SORCS1: variants seen among roughly 807,000 people sequenced by gnomAD.
SORCS1 encodes the protein VPS10 domain-containing receptor SorCS1.
In SORCS1, 60 loss-of-function variants were observed where a neutral mutation model predicts 146.1. That is an observed-to-expected ratio of 0.41 (90% confidence interval 0.33 to 0.51). SORCS1 has a LOEUF of 0.51. Ranked by LOEUF, SORCS1 falls within the 20% of genes least tolerant of loss-of-function variation. The pLI is 0.21. For synonymous variants in SORCS1, 637 were observed against 584.0 expected, an observed-to-expected ratio of 1.09 and a Z score of -1.31; for missense variants, 1,352 against 1,487.6, an observed-to-expected ratio of 0.91 and a Z score of 1.50.
chr10:107,099,747 T>G (rs1255551901), intron 1 of SORCS1, among the ~76,000 whole-genome samples: 2 of 152,208 alleles, frequency 1.3e-5, no homozygotes, highest in Non-Finnish European at 2.9e-5. Flanking sequence ...ATATTATAAC[T>G]AAAAGTGATC....
intron 1 of SORCS1, among the ~76,000 whole-genome samples, chr10:107,070,748 CA>C (rs984375751): frequency 2.0e-5 from 3 of 151,624 alleles, no homozygotes; most frequent in African/African-American, 7.3e-5. Flanking sequence ...GCAAAAATTT[CA>C]AAACAAAAAT....
chr10:107,008,000 A>AAAACT (rs10654601), intron 1 of SORCS1, among the ~76,000 whole-genome samples: 22,622 of 151,790 alleles, frequency 0.15, 5,564 homozygotes, highest in African/African-American at 0.51. Flanking sequence ...TATGTTGTCT[A>AAAACT]AAGATTTATT....
the SORCS1 span, among the ~76,000 whole-genome samples, chr10:107,178,514 G>T: frequency 6.7e-6 from 1 of 149,190 alleles, no homozygotes; most frequent in African/African-American, 2.5e-5. Context: ...TTTTTTTTAA[G>T]ACAGAGTCTC....
At chr10:106,700,666 T>C (rs1185146883) in intron 8 of SORCS1, among the ~76,000 whole-genome samples, 2 of 152,164 alleles carry the variant, frequency 1.3e-5, no homozygotes, top group African/African-American at 4.8e-5. Flanking sequence ...TATATGCCCA[T>C]GTTCTCAATC....
rs11817573 is a variant in SORCS1, at chr10:107,096,922, A to G, written c.558+67047T>C. 6.8e-3 allele frequency among the ~76,000 whole-genome samples: 1,041 copies of G among 152,268 alleles called. 14 individuals carry two copies. The highest frequency in any genetic ancestry group is 0.024 in the African/African-American group (1,006 of 41,540). On this transcript the variant is annotated intron_variant, in intron 1 of 25. Transcript: ENST00000263054. ...TTTCTAGTTTTCATGTAGATTGCCC[A>G]TCTCATTTCCCCCATTCACTTCTCC...
chr10:106,872,996 A>C (rs1950467414), intron 2 of SORCS1, among the ~76,000 whole-genome samples: 1 of 152,090 alleles, frequency 6.6e-6, no homozygotes, highest in Non-Finnish European at 1.5e-5. Flanking sequence ...AATATGGTGA[A>C]ACCCCATCTC....
intron 3 of SORCS1, among the ~76,000 whole-genome samples, chr10:106,796,971 G>C (rs1267350107): frequency 6.6e-6 from 1 of 152,142 alleles, no homozygotes; most frequent in Non-Finnish European, 1.5e-5. Context: ...GCCGGGCGTG[G>C]TGGCGGGTGC....
chr10:107,156,735 G>A (rs915728993), intron 1 of SORCS1, among the ~76,000 whole-genome samples: 1 of 152,148 alleles, frequency 6.6e-6, no homozygotes, highest in South Asian at 2.1e-4. Context: ...TTTCCTATAT[G>A]GGAAGACGTA....
chr10:106,952,572 T>TTATAC (rs961857020), intron 2 of SORCS1, among the ~76,000 whole-genome samples: 1 of 146,278 alleles, frequency 6.8e-6, no homozygotes, highest in South Asian at 2.1e-4. Context: ...TTATATTATA[T>TTATAC]TATACTATGT....
chr10:106,687,666 C>CA (rs1454508660), intron 10 of SORCS1, among the ~76,000 whole-genome samples: 1 of 152,014 alleles, frequency 6.6e-6, no homozygotes, highest in African/African-American at 2.4e-5. Flanking sequence ...CGGAGTAAGA[C>CA]ATAAATGAAC....
At position 106,667,719 on chromosome 10, in the gene SORCS1, C is replaced by T; in HGVS notation, c.2273G>A (p.Ser758Asn). Residue 758 changes from serine (S) to asparagine (N), a missense_variant, in exon 17 of 26, where the codon AGC becomes AAC. This residue lies in a region of SORCS1 where 648 missense variants were observed against 793.8 expected (regional missense o/e 0.82). Transcript: ENST00000263054. The part of the protein sequence containing the change: ...FNPSSLSKDC[S>N]LGQSYLNSTG... ...ACTATTGAGGTAACTCTGTCCCAAGCTGCAATCCTTTGACAGAGAGGATGG... is the reference window on the plus strand; with the variant it reads ...ACTATTGAGGTAACTCTGTCCCAAGTTGCAATCCTTTGACAGAGAGGATGG... 6.2e-7 allele frequency: 1 copy of T among 1,614,046 alleles called. No individual in the cohort carries two copies. The highest frequency in any genetic ancestry group is 8.5e-7 in the Non-Finnish European group (1 of 1,179,960).
intron 10 of SORCS1, among the ~76,000 whole-genome samples, chr10:106,685,105 T>G (rs887520567): frequency 2.0e-5 from 3 of 152,228 alleles, no homozygotes; most frequent in Non-Finnish European, 4.4e-5. Context: ...CCTGCTTTTG[T>G]TAACTTTGGG....
chr10:107,164,856 A>AGCTGCGCTGC (rs553288753), upstream of SORCS1, among the ~76,000 whole-genome samples: 1 of 146,426 alleles, frequency 6.8e-6, no homozygotes, highest in African/African-American at 2.5e-5. This position sits in a 1 kb window ranked among gnomAD's most constrained non-coding sequence, Gnocchi z 6.8. Flanking sequence ...CCCGCGGCCG[A>AGCTGCGCTGC]GCTGCGCTGC....
At chr10:107,118,694 C>A (rs961266581) in intron 1 of SORCS1, among the ~76,000 whole-genome samples, 1 of 152,192 alleles carries the variant, frequency 6.6e-6, no homozygotes, top group Non-Finnish European at 1.5e-5. Flanking sequence ...TCCATTTCTA[C>A]TTCCTTTCAG....
chr10:107,023,127 A>T (rs921020610), intron 1 of SORCS1, among the ~76,000 whole-genome samples: 13 of 152,198 alleles, frequency 8.5e-5, no homozygotes, highest in Non-Finnish European at 1.8e-4. Flanking sequence ...CAGATAATGC[A>T]TGTAAATTGC....
intron 1 of SORCS1, among the ~76,000 whole-genome samples, chr10:107,115,092 G>T (rs1167184654): frequency 6.6e-6 from 1 of 151,838 alleles, no homozygotes; most frequent in Non-Finnish European, 1.5e-5. Context: ...ACTGATGAAG[G>T]ATATCAAAGA....
intron 5 of SORCS1, among the ~76,000 whole-genome samples, chr10:106,753,000 TATTC>T (rs1858372234): frequency 1.3e-5 from 2 of 152,242 alleles, no homozygotes; most frequent in Admixed American, 1.3e-4. Context: ...TGAGTGATGG[TATTC>T]ATTTTGAAGT....
chr10:106,802,896 A>C (rs1460285306), intron 3 of SORCS1, among the ~76,000 whole-genome samples: 2 of 152,164 alleles, frequency 1.3e-5, no homozygotes. Flanking sequence ...TGGCCTCCCA[A>C]AAGGGATTAC....
At chr10:106,779,547 ATTTTTTT>A (rs11357093) in intron 3 of SORCS1, among the ~76,000 whole-genome samples, 19 of 84,818 alleles carry the variant, frequency 2.2e-4, no homozygotes, top group African/African-American at 7.2e-4. Flanking sequence ...TATGGCCCAT[ATTTTTTT>A]TTTTTTTTTT....
Sources: gnomAD v4.1 joint callset for allele counts (sites outside exome capture counted in the v4.1 genomes callset) on GRCh38, gnomAD v4.1.1 for gene constraint, gnomAD v4.1.1 regional missense constraint, Gnocchi (gnomAD v3.1) non-coding constraint, MANE v1.5 for transcripts, NCBI Gene and HGNC (gene_info 2026-07-23, HGNC 2026-07-21) for gene names.